The following CCN5 variants were observed in gnomAD, a reference collection of about 807,000 sequenced individuals.
CCN5 encodes CCN family member 5.
CCN5 carries 17 observed loss-of-function variants against 18.7 expected under a neutral mutation model. That is an observed-to-expected ratio of 0.91 (90% CI 0.62 to 1.36). The LOEUF is 1.36. Ranked by LOEUF, CCN5 falls within the 40% of genes most tolerant of loss-of-function variation. The probability of loss-of-function intolerance (pLI) is 0.00; values close to 1 mark genes in which losing one functional copy is unlikely to be tolerated. For synonymous variants in CCN5, 135 were observed against 145.2 expected, an observed-to-expected ratio of 0.93 and a Z score of 0.50; for missense variants, 367 against 342.9, an observed-to-expected ratio of 1.07 and a Z score of -0.56.
intron 1 of CCN5, among the ~76,000 whole-genome samples, chr20:44,715,883 AG>A (rs2065856556): frequency 6.6e-6 from 1 of 152,222 alleles, no homozygotes; most frequent in Admixed American, 6.5e-5. Context: ...TCATTCTGCA[AG>A]GGCATCAATG....
chr20:44,720,480 T>A, intron 2 of CCN5: 1 of 336,672 alleles, frequency 3.0e-6, no homozygotes. Context: ...AAAATAAAAG[T>A]GCAACCTTTT....
In CCN5 at chr20:44,719,881, G is replaced by A. The variant is rs2065885142; in HGVS notation, c.61-16G>A. On this transcript the variant is annotated splice_polypyrimidine_tract_variant and intron_variant, in intron 1 of 3. Transcript: ENST00000190983. ...CCTCGAAAGCCCGTGGCTGAGTGAG[G>A]TCTCTGTCTCTTCAGGTGCGTACCC... 1.2e-6 allele frequency: 2 copies of A among 1,607,602 alleles called. No homozygotes were observed. Among genetic ancestry groups the A allele is most frequent in the Non-Finnish European group, 8.5e-7 (1 of 1,178,196 alleles).
chr20:44,721,576 G>A (rs2065900565), intron 2 of CCN5: 1 of 148,224 alleles, frequency 6.7e-6, no homozygotes, highest in Admixed American at 6.7e-5. Flanking sequence ...TACAAGTACT[G>A]TAAGGATAAG....
At chr20:44,726,953 A>G in intron 3 of CCN5, 134 bp from the exon 4 acceptor site, 1 of 881,418 alleles carries the variant, frequency 1.1e-6, no homozygotes. Context: ...CTGTTAAGAA[A>G]TTTACATAAC....
At chr20:44,722,465 C>CTTT (rs11341536) in intron 2 of CCN5, among the ~76,000 whole-genome samples, 108 of 106,720 alleles carry the variant, frequency 1.0e-3, no homozygotes, top group Non-Finnish European at 1.3e-3. Flanking sequence ...ATCTCTCTCT[C>CTTT]TTTTTTTTTT....
Position 44,727,400 on chromosome 20 carries a change from G to A in CCN5, c.*93G>A. ...GCTGATGGAAGATGGTCCGTGCCCA[G>A]GCCCTTGGCTGCAGGCAACACTTTA... On this transcript the variant is annotated 3_prime_UTR_variant, in exon 4 of 4. Transcript: ENST00000190983. 6.8e-7 allele frequency: 1 copy of A among 1,460,092 alleles called. No individual in the cohort carries two copies. Among genetic ancestry groups the A allele is most frequent in the African/African-American group, 1.4e-5 (1 of 70,126 alleles). 90.4% of individuals were successfully genotyped at this position (1,460,092 alleles called of 1,614,324 possible).
intron 3 of CCN5, among the ~76,000 whole-genome samples, chr20:44,726,503 T>C (rs2065937142): frequency 6.6e-6 from 1 of 152,086 alleles, no homozygotes; most frequent in African/African-American, 2.4e-5. Context: ...TTCTACTCAC[T>C]AGATACCAGT....
intron 1 of CCN5, 55 bp downstream of exon 1, chr20:44,715,505 T>G (rs1336171487): frequency 8.5e-6 from 13 of 1,531,724 alleles, no homozygotes; most frequent in Admixed American, 1.9e-5. Context: ...GTGGAGGGGG[T>G]GGGGATGTAA....
intron 1 of CCN5, among the ~76,000 whole-genome samples, chr20:44,718,266 G>C (rs918304369): frequency 2.6e-5 from 4 of 152,224 alleles, no homozygotes; most frequent in African/African-American, 9.6e-5. Flanking sequence ...ACTGAAAGCA[G>C]GTTTGCAGGA....
intron 2 of CCN5, chr20:44,724,402 C>A (rs1266619783): frequency 2.4e-5 from 9 of 369,850 alleles, no homozygotes; most frequent in Admixed American, 4.7e-5. Flanking sequence ...GTAGTCTCTA[C>A]CACCCTGGAA....
Position 44,725,054 on chromosome 20 carries a change from G to C in CCN5, c.532+62G>C, listed in dbSNP as rs182184581. The C allele has an allele frequency of 7.2e-5, 104 of 1,453,808 alleles. No individual in the cohort carries two copies. In the East Asian group the frequency reaches 1.6e-3, roughly 22 times the overall value. 90.1% of individuals were successfully genotyped at this position (1,453,808 alleles called of 1,614,324 possible). A position where few individuals can be genotyped will look rare whatever the true frequency, so the allele number is the denominator to read the frequency against. On this transcript the variant is annotated intron_variant, in intron 3 of 3. Transcript: ENST00000190983. ...CCTGGGGGCGCCAAGGGCCACCTAG[G>C]GGGTGGGGTGGGGGGCGGCTTCCTG...
intron 3 of CCN5, 109 bp downstream of exon 3, chr20:44,725,101 A>C: frequency 7.3e-7 from 1 of 1,374,376 alleles, no homozygotes; most frequent in Non-Finnish European, 9.5e-7. Flanking sequence ...CCAGGGACAC[A>C]TCAGAAGCTG....
At chr20:44,715,702 TAC>T (rs2065855255) in intron 1 of CCN5, among the ~76,000 whole-genome samples, 2 of 152,330 alleles carry the variant, frequency 1.3e-5, no homozygotes, top group African/African-American at 4.8e-5. Flanking sequence ...GTGAAGGGTA[TAC>T]AGTTTGTGAG....
At chr20:44,717,686 C>T (rs2065868934) in intron 1 of CCN5, among the ~76,000 whole-genome samples, 2 of 151,838 alleles carry the variant, frequency 1.3e-5, no homozygotes, top group Admixed American at 6.6e-5. Context: ...ACCAGCCTGG[C>T]CAGCATGGTG....
In CCN5 at chr20:44,720,045, G is replaced by A; in HGVS notation, c.209G>A (p.Cys70Tyr). ...GAGCCCTGCGACCAACTCCACGTCTGCGACGCCAGCCAGGGCCTGGTCTGC... is the reference window on the plus strand; with the variant it reads ...GAGCCCTGCGACCAACTCCACGTCTACGACGCCAGCCAGGGCCTGGTCTGC... Reference protein sequence around the residue: ...LGEPCDQLHVCDASQGLVCQP... With the variant: ...LGEPCDQLHVYDASQGLVCQP... The change falls in exon 2 of 4, where the codon TGC becomes TAC. Residue 70 changes from cysteine (C) to tyrosine (Y), a missense_variant. By Grantham distance (194) the Cys-to-Tyr change is radical. Coordinates refer to ENST00000190983, the MANE Select transcript of CCN5 (RefSeq NM_003881.4). 1 of 1,595,480 alleles carries A rather than the reference G, an allele frequency of 6.3e-7. No homozygotes were observed. The highest frequency in any genetic ancestry group is 8.5e-7 in the Non-Finnish European group (1 of 1,175,534).
At chr20:44,725,469 G>C (rs914272587) in intron 3 of CCN5, among the ~76,000 whole-genome samples, 1 of 151,824 alleles carries the variant, frequency 6.6e-6, no homozygotes, top group Non-Finnish European at 1.5e-5. Context: ...AGGAGTGGAG[G>C]GTCACCAGGC....
upstream of CCN5, chr20:44,715,229 TTGTG>T (rs746209770): frequency 5.8e-6 from 3 of 517,610 alleles, no homozygotes; most frequent in African/African-American, 5.0e-5. Context: ...GCTAGTGTGT[TTGTG>T]TGTGTGTGTG....
Position 44,719,984 on chromosome 20 carries a change from T to C in CCN5, c.148T>C (p.Cys50Arg), listed in dbSNP as rs768314279. ...GGGAGTACCCCTGGTGCTGGATGGC[T>C]GTGGCTGCTGCCGGGTATGTGCACG... ...PLGVPLVLDGCGCCRVCARRL... is the reference protein window; with the variant it reads ...PLGVPLVLDGRGCCRVCARRL... The change falls in exon 2 of 4, where the codon TGT (cysteine) becomes CGT (arginine). Residue 50 changes from cysteine (C) to arginine (R), a missense_variant. Physicochemically the swap from Cys to Arg is radical, Grantham distance 180 (BLOSUM62 -3). Coordinates refer to ENST00000190983, the MANE Select transcript of CCN5 (RefSeq NM_003881.4). The C allele has an allele frequency of 6.2e-7, 1 of 1,613,166 alleles. No individual in the cohort carries two copies. The highest frequency in any genetic ancestry group is 1.1e-5 in the South Asian group (1 of 91,006).
At chr20:44,720,643 G>A (rs60436872) in intron 2 of CCN5, 7 of 164,362 alleles carry the variant, frequency 4.3e-5, no homozygotes, top group Admixed American at 2.6e-4. Context: ...CATGTCACAC[G>A]GCACGGGACC....
Sources: allele counts gnomAD v4.1 joint callset (sites outside exome capture counted in the v4.1 genomes callset), GRCh38; gene constraint gnomAD v4.1.1; transcripts MANE v1.5; gene names NCBI Gene and HGNC (gene_info 2026-07-23, HGNC 2026-07-21).